The following PRDM5 variants were observed in gnomAD, a reference collection of about 807,000 sequenced individuals.
PRDM5 encodes PR domain zinc finger protein 5.
In PRDM5, 56 loss-of-function variants were observed where a neutral mutation model predicts 81.2. The ratio of observed to expected loss-of-function variants is 0.69; its 90% CI spans 0.56 to 0.86. The LOEUF (loss-of-function observed/expected upper bound fraction) is 0.86, where lower values mean the gene tolerates loss of function less well. Among genes scored for constraint, PRDM5 ranks in the 40% least tolerant of loss-of-function variants. The pLI is 0.00. For synonymous variants in PRDM5, 267 were observed against 256.4 expected, an observed-to-expected ratio of 1.04 and a Z score of -0.39; for missense variants, 697 against 770.1, an observed-to-expected ratio of 0.91 and a Z score of 1.12.
intron 14 of PRDM5, among the ~76,000 whole-genome samples, chr4:120,716,324 T>C (rs1309610524): frequency 6.6e-6 from 1 of 152,168 alleles, no homozygotes; most frequent in Non-Finnish European, 1.5e-5. Context: ...GGATAAAATG[T>C]GTAGTGTTAG....
At chr4:120,910,673 G>A (rs1260264249) in intron 1 of PRDM5, among the ~76,000 whole-genome samples, 4 of 152,014 alleles carry the variant, frequency 2.6e-5, no homozygotes, top group Non-Finnish European at 4.4e-5. Context: ...TCTTTTAGTG[G>A]AATTATATGA....
chr4:120,872,986 T>C (rs1220669299), intron 2 of PRDM5, among the ~76,000 whole-genome samples: 2 of 150,004 alleles, frequency 1.3e-5, no homozygotes, highest in Non-Finnish European at 3.0e-5. Context: ...TTTTATGTTA[T>C]GTGTTTTTAC....
intron 2 of PRDM5, among the ~76,000 whole-genome samples, chr4:120,872,675 G>C (rs1761955358): frequency 6.6e-6 from 1 of 152,074 alleles, no homozygotes; most frequent in Non-Finnish European, 1.5e-5. Flanking sequence ...GATGGCTTGA[G>C]CACAGGAATT....
rs373372578 is a variant in PRDM5, at chr4:120,818,451, C to T, written c.552G>A (p.Glu184=). 51 of 1,613,580 alleles carry T rather than the reference C, an allele frequency of 3.2e-5. No homozygotes were observed. The Middle Eastern group carries it at 8.2e-4, about 26-fold the overall frequency. Residue 184 remains glutamate (E), a synonymous_variant, in exon 5 of 16, where the codon GAG becomes GAA. Transcript: ENST00000264808. ...GTTTCTGGTGCAATGTCTGGAGATG[C>T]TCAGCAAGAATATCCTCACTGGTAA... ...SSFTSEDILA[E]HLQTLHQKPT... is the part of the protein sequence containing the mutation.
chr4:120,761,271 G>C (rs1745564391), intron 13 of PRDM5, among the ~76,000 whole-genome samples: 1 of 152,140 alleles, frequency 6.6e-6, no homozygotes, highest in African/African-American at 2.4e-5. Context: ...GGGAACATCT[G>C]GATGCCACAT....
chr4:120,748,459 G>A (rs1743471288), intron 14 of PRDM5, among the ~76,000 whole-genome samples: 1 of 152,056 alleles, frequency 6.6e-6, no homozygotes, highest in Non-Finnish European at 1.5e-5. Flanking sequence ...GGCTGGGCAA[G>A]ATAGCAAGAT....
intron 1 of PRDM5, among the ~76,000 whole-genome samples, chr4:120,912,160 T>C (rs571536410): frequency 1.3e-5 from 2 of 152,278 alleles, no homozygotes; most frequent in African/African-American, 4.8e-5. Context: ...TGAAAAAATA[T>C]ATATCCATTT....
rs771639047 is a variant in PRDM5 at position 120,768,861 on chromosome 4, G to A, written c.1537+8327C>T. On this transcript the variant is annotated intron_variant, in intron 13 of 15. Coordinates refer to ENST00000264808, the MANE Select transcript of PRDM5 (RefSeq NM_018699.4). Reference sequence around the variant, plus strand: ...ACTGTAAGTTTATAGGCACTAGTGAGTTAGATCTTGAACCATGTTATTAAT... The same window carrying A: ...ACTGTAAGTTTATAGGCACTAGTGAATTAGATCTTGAACCATGTTATTAAT... 2.0e-5 allele frequency among the ~76,000 whole-genome samples: 3 copies of A among 152,166 alleles called. 1 individual carries two copies.
chr4:120,829,396 T>C (rs1173334332), intron 3 of PRDM5, among the ~76,000 whole-genome samples: 2 of 152,084 alleles, frequency 1.3e-5, no homozygotes, highest in African/African-American at 2.4e-5. Flanking sequence ...TCCGGCATTA[T>C]GTGTACACCT....
At position 120,741,050 on chromosome 4, in the gene PRDM5, A is replaced by G. The variant is rs144273937; in HGVS notation, c.1623+13503T>C. Among the ~76,000 whole-genome samples, 14 of 152,002 alleles carry G rather than the reference A, an allele frequency of 9.2e-5. No individual in the cohort carries two copies. In the East Asian group the frequency reaches 1.2e-3, roughly 13 times the overall value. On this transcript the variant is annotated intron_variant, in intron 14 of 15. Transcript: ENST00000264808. ...AAACACAACTCAAATATCATCCTCTATCTCTAGTCCTGGAATCCACCAGCC... is the reference window on the plus strand; with the variant it reads ...AAACACAACTCAAATATCATCCTCTGTCTCTAGTCCTGGAATCCACCAGCC...
chr4:120,691,153 T>C (rs190355841), downstream of PRDM5, among the ~76,000 whole-genome samples: 1 of 152,274 alleles, frequency 6.6e-6, no homozygotes, highest in East Asian at 1.9e-4. Context: ...ATTTGGACAT[T>C]GCATCTGCAG....
intron 14 of PRDM5, among the ~76,000 whole-genome samples, chr4:120,724,506 T>G (rs1052442755): frequency 6.6e-6 from 1 of 152,180 alleles, no homozygotes; most frequent in East Asian, 1.9e-4. Context: ...AGTCACAGAC[T>G]CTTACATTTA....
At chr4:120,855,961 C>T (rs967404322) in intron 2 of PRDM5, among the ~76,000 whole-genome samples, 1 of 152,170 alleles carries the variant, frequency 6.6e-6, no homozygotes, top group Non-Finnish European at 1.5e-5. Flanking sequence ...ATGTGTTTAA[C>T]ATCTGGAATT....
At chr4:120,713,746 C>A (rs1245857753) in intron 14 of PRDM5, among the ~76,000 whole-genome samples, 1 of 152,114 alleles carries the variant, frequency 6.6e-6, no homozygotes, top group Non-Finnish European at 1.5e-5. Context: ...ATTTTTAATG[C>A]TTGTCTTAGT....
At chr4:120,727,278 G>A (rs1054065007) in intron 14 of PRDM5, among the ~76,000 whole-genome samples, 1 of 150,010 alleles carries the variant, frequency 6.7e-6, no homozygotes, top group Admixed American at 6.7e-5. Context: ...ACCTACAGCA[G>A]CATCCAAGAA....
chr4:120,716,689 C>T (rs1466249164), intron 14 of PRDM5, among the ~76,000 whole-genome samples: 1 of 152,122 alleles, frequency 6.6e-6, no homozygotes, highest in Non-Finnish European at 1.5e-5. Context: ...CTTGAAGGAA[C>T]TTCTAATGCC....
intron 8 of PRDM5, among the ~76,000 whole-genome samples, chr4:120,805,386 G>A (rs981633550): frequency 6.6e-6 from 1 of 152,162 alleles, no homozygotes; most frequent in African/African-American, 2.4e-5. Flanking sequence ...AAGCCTGGCA[G>A]AGACAGAATA....
At chr4:120,855,883 G>C (rs896468616) in intron 2 of PRDM5, among the ~76,000 whole-genome samples, 3 of 152,324 alleles carry the variant, frequency 2.0e-5, no homozygotes, top group Non-Finnish European at 4.4e-5. Flanking sequence ...GCACTACTTA[G>C]AGAAATTAGT....
chr4:120,749,715 G>A (rs988733600), intron 14 of PRDM5, among the ~76,000 whole-genome samples: 4 of 152,140 alleles, frequency 2.6e-5, no homozygotes, highest in Non-Finnish European at 5.9e-5. Flanking sequence ...CATGAAACTC[G>A]CAGGTGTTCT....
Sources: allele counts gnomAD v4.1 joint callset (sites outside exome capture counted in the v4.1 genomes callset), GRCh38; gene constraint gnomAD v4.1.1; transcripts MANE v1.5; gene names NCBI Gene and HGNC (gene_info 2026-07-23, HGNC 2026-07-21).